The following PACRG variants were observed in gnomAD, a reference collection of about 807,000 sequenced individuals.
The protein encoded by PACRG is parkin coregulated, also known as parkin coregulated gene protein.
Under a neutral mutation model 29.7 loss-of-function variants are expected in PACRG, and 29 were observed. That is an observed-to-expected ratio of 0.98 (90% confidence interval 0.73 to 1.33). The LOEUF (loss-of-function observed/expected upper bound fraction) is 1.33. PACRG is among the 40% of genes most tolerant of loss of function. The pLI, the probability that PACRG is intolerant of heterozygous loss-of-function variation, is 0.00. For missense variants in PACRG, 279 were observed against 316.2 expected (o/e 0.88, Z 0.89); for synonymous variants, 116 against 118.7 (o/e 0.98, Z 0.15).
chr6:163,090,584 C>T (rs1477884359), intron 4 of PACRG, among the ~76,000 whole-genome samples: 1 of 152,070 alleles, frequency 6.6e-6, no homozygotes, highest in African/African-American at 2.4e-5. Context: ...GTTTTAGTAA[C>T]AATATTACTA....
intron 2 of PACRG, among the ~76,000 whole-genome samples, chr6:162,844,453 C>T (rs1790159618): frequency 6.6e-6 from 1 of 152,234 alleles, no homozygotes; most frequent in Non-Finnish European, 1.5e-5. Context: ...CCTGCTTCGG[C>T]TCGCGCATGG....
At chr6:162,884,342 GA>G (rs367688994) in intron 2 of PACRG, among the ~76,000 whole-genome samples, 66 of 152,040 alleles carry the variant, frequency 4.3e-4, no homozygotes, top group African/African-American at 1.5e-3. Flanking sequence ...TATGTTTATT[GA>G]AAAAAATCCT....
At chr6:162,914,496 T>C (rs1290243522) in intron 2 of PACRG, among the ~76,000 whole-genome samples, 1 of 136,494 alleles carries the variant, frequency 7.3e-6, no homozygotes, top group African/African-American at 2.7e-5. Flanking sequence ...TCTCAAAGTT[T>C]TGTACTTTTT....
At chr6:162,975,248 A>G (rs962037316) in intron 2 of PACRG, among the ~76,000 whole-genome samples, 1 of 152,210 alleles carries the variant, frequency 6.6e-6, no homozygotes, top group Non-Finnish European at 1.5e-5. Flanking sequence ...GTAAATTGCT[A>G]CCATGATCTA....
chr6:163,250,883 GTATATA>G (rs368878258), intron 4 of PACRG, among the ~76,000 whole-genome samples: 11 of 138,090 alleles, frequency 8.0e-5, no homozygotes, highest in Non-Finnish European at 9.3e-5. Context: ...AGAAATTGTT[GTATATA>G]TATATATATA....
chr6:163,303,311 G>A (rs905167519), intron 4 of PACRG, among the ~76,000 whole-genome samples: 2 of 151,920 alleles, frequency 1.3e-5, no homozygotes, highest in African/African-American at 2.4e-5. Flanking sequence ...GTGACAGCGT[G>A]AGACCCTGTC....
chr6:163,121,317 T>C (rs1346399744), intron 4 of PACRG, among the ~76,000 whole-genome samples: 1 of 152,266 alleles, frequency 6.6e-6, no homozygotes, highest in South Asian at 2.1e-4. Context: ...AATTGCCTTA[T>C]ATTTTAGTGC....
At chr6:162,930,947 C>A (rs550545143) in intron 2 of PACRG, among the ~76,000 whole-genome samples, 16 of 151,780 alleles carry the variant, frequency 1.1e-4, no homozygotes, top group Non-Finnish European at 1.2e-4. Context: ...GGTGTATTAT[C>A]TTTTTGAAGT....
At position 163,068,367 on chromosome 6, in the gene PACRG, C is replaced by G. The variant is rs143986056; in HGVS notation, c.463+6046C>G. On this transcript the variant is annotated intron_variant, in intron 3 of 4. Transcript: ENST00000366888. ...CAGAGTCTTATGTTGCTTTGAAAAT[C>G]TTGATGCATCTGAATTTCTAGTCAT... Among the ~76,000 whole-genome samples the G allele has an allele frequency of 3.9e-5, 6 of 152,234 alleles. No individual in the cohort carries two copies. The East Asian group carries it at 1.2e-3, about 29-fold the overall frequency.
Position 163,074,408 on chromosome 6 carries a change from A to G in PACRG, c.463+12087A>G, listed in dbSNP as rs531547358. 2.6e-5 allele frequency among the ~76,000 whole-genome samples: 4 copies of G among 152,296 alleles called. No individual in the cohort carries two copies. In the East Asian group the frequency reaches 7.7e-4, roughly 29 times the overall value. ...ACTCATGGAGATAGAGAGTAGAAGG[A>G]TGGTTACCAGATGCGAGGGGAGTAA... On this transcript the variant is annotated intron_variant, in intron 3 of 4. Coordinates refer to ENST00000366888, the MANE Select transcript of PACRG (RefSeq NM_001080379.2).
At chr6:163,148,618 T>C (rs1777902957) in intron 4 of PACRG, among the ~76,000 whole-genome samples, 1 of 152,118 alleles carries the variant, frequency 6.6e-6, no homozygotes, top group Non-Finnish European at 1.5e-5. Context: ...CACTGCAGGA[T>C]AACACTCAGA....
At chr6:163,214,453 T>TA (rs1181017268) in intron 4 of PACRG, among the ~76,000 whole-genome samples, 1 of 152,144 alleles carries the variant, frequency 6.6e-6, no homozygotes, top group African/African-American at 2.4e-5. Flanking sequence ...GTACAGTTGT[T>TA]ATACTTTTAA....
intron 1 of PACRG, among the ~76,000 whole-genome samples, chr6:162,780,561 A>C (rs1406422252): frequency 6.6e-6 from 1 of 152,202 alleles, no homozygotes; most frequent in Non-Finnish European, 1.5e-5. Context: ...ATACAGCCTA[A>C]AATAAAGAGA....
At chr6:163,106,299 T>TA (rs1815378457) in intron 4 of PACRG, among the ~76,000 whole-genome samples, 1 of 152,218 alleles carries the variant, frequency 6.6e-6, no homozygotes, top group Non-Finnish European at 1.5e-5. Flanking sequence ...GGGTATTTAA[T>TA]TACACTGTTA....
intron 1 of PACRG, among the ~76,000 whole-genome samples, chr6:162,809,970 G>A (rs138469237): frequency 6.6e-6 from 1 of 152,176 alleles, no homozygotes; most frequent in African/African-American, 2.4e-5. Flanking sequence ...CGAAAGAGTT[G>A]TCTCCTTCCC....
intron 3 of PACRG, among the ~76,000 whole-genome samples, chr6:163,073,631 CA>C (rs1490528406): frequency 2.0e-5 from 3 of 152,182 alleles, no homozygotes; most frequent in Non-Finnish European, 4.4e-5. Flanking sequence ...AAACAATCAA[CA>C]AAGTGAAGAG....
chr6:163,114,965 A>G (rs1217208201), intron 4 of PACRG, among the ~76,000 whole-genome samples: 1 of 152,204 alleles, frequency 6.6e-6, no homozygotes, highest in Non-Finnish European at 1.5e-5. Context: ...CATGTGTACA[A>G]CTTAAGTATA....
intron 1 of PACRG, among the ~76,000 whole-genome samples, chr6:162,802,058 C>T (rs1461418727): frequency 2.0e-5 from 3 of 152,022 alleles, no homozygotes; most frequent in African/African-American, 7.2e-5. Flanking sequence ...GCCTTCAGAT[C>T]GAAGAGGTTT....
At chr6:163,030,239 C>T (rs1293499944) in intron 2 of PACRG, among the ~76,000 whole-genome samples, 1 of 152,138 alleles carries the variant, frequency 6.6e-6, no homozygotes, top group Non-Finnish European at 1.5e-5. Context: ...GACTGTTTCA[C>T]TCACCTTGTG....
Sources: allele counts gnomAD v4.1 joint callset (sites outside exome capture counted in the v4.1 genomes callset), GRCh38; gene constraint gnomAD v4.1.1; transcripts MANE v1.5; gene names NCBI Gene and HGNC (gene_info 2026-07-23, HGNC 2026-07-21).